The following GTF2IRD1 variants were observed in gnomAD, a reference collection of about 807,000 sequenced individuals.
GTF2IRD1 encodes the protein general transcription factor II-I repeat domain-containing protein 1.
A neutral mutation model predicts 113.2 loss-of-function variants in GTF2IRD1; 26 were observed. The observed-to-expected ratio is 0.23, with a 90% CI of 0.17 to 0.32. The LOEUF (loss-of-function observed/expected upper bound fraction) is 0.32. Ranked by LOEUF, GTF2IRD1 falls within the 10% of genes least tolerant of loss-of-function variation. The probability of loss-of-function intolerance (pLI) is 1.00; values close to 1 mark genes in which losing one functional copy is unlikely to be tolerated. For missense variants in GTF2IRD1, 864 were observed against 1,280.8 expected (o/e 0.67, Z 4.97); for synonymous variants, 484 against 529.1 (o/e 0.91, Z 1.17).
chr7:74,486,334 C>G (rs1795025893), intron 1 of GTF2IRD1, among the ~76,000 whole-genome samples: 1 of 152,166 alleles, frequency 6.6e-6, no homozygotes, highest in Non-Finnish European at 1.5e-5. Flanking sequence ...GGTGGTCCAG[C>G]CGCAGGCAGC....
intron 22 of GTF2IRD1, among the ~76,000 whole-genome samples, chr7:74,567,227 C>T (rs1800376008): frequency 6.6e-6 from 1 of 151,908 alleles, no homozygotes; most frequent in Non-Finnish European, 1.5e-5. Flanking sequence ...ACTTGGGAGC[C>T]TGAGGCAGGA....
chr7:74,529,656 TG>T, intron 8 of GTF2IRD1, 77 bp from the exon 9 acceptor site: 1 of 1,247,560 alleles, frequency 8.0e-7, no homozygotes, highest in Non-Finnish European at 1.1e-6. Flanking sequence ...TGGGAGGTGA[TG>T]GGGACCGCAG....
At chr7:74,471,684 A>T (rs573913544) in intron 1 of GTF2IRD1, among the ~76,000 whole-genome samples, 1 of 71,674 alleles carries the variant, frequency 1.4e-5, no homozygotes, top group Non-Finnish European at 2.9e-5. Context: ...AAAAAAAAAA[A>T]AAAAACAAAA....
At chr7:74,484,584 G>A (rs1029300504) in intron 1 of GTF2IRD1, among the ~76,000 whole-genome samples, 3 of 150,710 alleles carry the variant, frequency 2.0e-5, no homozygotes, top group East Asian at 3.9e-4. Flanking sequence ...TCAGCCTCCC[G>A]AGTAGCTGTG....
In GTF2IRD1 at chr7:74,589,927, C is replaced by T. The variant is rs375764249; in HGVS notation, c.2397C>T (p.Tyr799=). The T allele has an allele frequency of 6.9e-6, 11 of 1,594,584 alleles. No individual in the cohort carries two copies. Among genetic ancestry groups the T allele is most frequent in the East Asian group, 2.2e-5 (1 of 44,732 alleles). ...TGAAGGAACTCTTCAACGAGAAATA[C>T]GGTCAGTGCCTGTGGTCAGGGTCAG... The part of the protein sequence containing the change: ...EQVKELFNEK[Y]GEALGLNRPV... The change falls in exon 23 of 27, where the codon TAC becomes TAT. Residue 799 remains tyrosine (Y), a splice_region_variant and synonymous_variant. Transcript: ENST00000424337.
intron 11 of GTF2IRD1, among the ~76,000 whole-genome samples, chr7:74,536,846 C>T (rs1798326303): frequency 2.0e-5 from 3 of 152,088 alleles, no homozygotes; most frequent in African/African-American, 7.2e-5. Flanking sequence ...CTTGGTGGCT[C>T]ACTCCTGTAA....
At chr7:74,499,712 A>C (rs555812902) in intron 1 of GTF2IRD1, among the ~76,000 whole-genome samples, 1 of 152,314 alleles carries the variant, frequency 6.6e-6, no homozygotes, top group Admixed American at 6.5e-5. Context: ...ATGCATACAC[A>C]CAAAGGAATT....
At chr7:74,478,094 A>G (rs1794527570) in intron 1 of GTF2IRD1, among the ~76,000 whole-genome samples, 2 of 152,164 alleles carry the variant, frequency 1.3e-5, no homozygotes, top group African/African-American at 4.8e-5. Flanking sequence ...GAGCTCAGAT[A>G]AGCCTCCGGG....
At chr7:74,482,978 T>G (rs1794827843) in intron 1 of GTF2IRD1, among the ~76,000 whole-genome samples, 1 of 152,220 alleles carries the variant, frequency 6.6e-6, no homozygotes, top group African/African-American at 2.4e-5. Flanking sequence ...TAAAGTTTAT[T>G]TCCCTAAAGG....
At chr7:74,521,955 G>T (rs1797324705) in intron 7 of GTF2IRD1, among the ~76,000 whole-genome samples, 1 of 152,108 alleles carries the variant, frequency 6.6e-6, no homozygotes, top group Non-Finnish European at 1.5e-5. Context: ...CTCAACTGGG[G>T]CGGGAGGAGA....
At chr7:74,525,850 G>A (rs1163393154) in intron 8 of GTF2IRD1, among the ~76,000 whole-genome samples, 1 of 152,188 alleles carries the variant, frequency 6.6e-6, no homozygotes, top group Non-Finnish European at 1.5e-5. Context: ...TCAATAGGCT[G>A]GGAAGTCAGG....
At chr7:74,548,028 C>T (rs1799061543) in intron 17 of GTF2IRD1, among the ~76,000 whole-genome samples, 1 of 152,130 alleles carries the variant, frequency 6.6e-6, no homozygotes, top group South Asian at 2.1e-4. Flanking sequence ...GTGGCTTCTA[C>T]AGGCTGTTTC....
chr7:74,549,046 T>C (rs1554354146), intron 17 of GTF2IRD1, among the ~76,000 whole-genome samples: 2 of 141,582 alleles, frequency 1.4e-5, no homozygotes, highest in Middle Eastern at 3.6e-3. Flanking sequence ...CAGCTGGCAT[T>C]TGGGAGGCCA....
intron 1 of GTF2IRD1, among the ~76,000 whole-genome samples, chr7:74,500,066 GC>G (rs1795938441): frequency 6.6e-6 from 1 of 152,224 alleles, no homozygotes; most frequent in East Asian, 1.9e-4. Context: ...AGATGAGGGA[GC>G]CCCCATGTGT....
At chr7:74,468,020 C>T (rs770242028) in intron 1 of GTF2IRD1, among the ~76,000 whole-genome samples, 2 of 152,096 alleles carry the variant, frequency 1.3e-5, no homozygotes, top group South Asian at 2.1e-4. Context: ...CTGAGGCCAC[C>T]GGCGGTGACG....
intron 7 of GTF2IRD1, among the ~76,000 whole-genome samples, chr7:74,523,020 T>C (rs10244219): frequency 0.07 from 10,612 of 152,064 alleles, 1,132 homozygotes; most frequent in African/African-American, 0.23. Flanking sequence ...GAGTGAGACC[T>C]CAGATGTAGG....
At chr7:74,534,354 C>T (rs1271049819) in intron 9 of GTF2IRD1, among the ~76,000 whole-genome samples, 2 of 152,212 alleles carry the variant, frequency 1.3e-5, no homozygotes, top group Non-Finnish European at 2.9e-5. Context: ...GTAATCCCAG[C>T]ACTTTGGGAG....
intron 24 of GTF2IRD1, among the ~76,000 whole-genome samples, chr7:74,593,006 C>T (rs587746195): frequency 4.7e-5 from 7 of 150,396 alleles, no homozygotes; most frequent in African/African-American, 9.8e-5. Flanking sequence ...CACAGGTGCC[C>T]GCCACCACAC....
intron 22 of GTF2IRD1, among the ~76,000 whole-genome samples, chr7:74,571,413 A>G (rs1326458851): frequency 6.6e-6 from 1 of 152,118 alleles, no homozygotes; most frequent in Non-Finnish European, 1.5e-5. Context: ...GGCCCTGGTA[A>G]GCTCTTCTGC....
Sources: allele counts gnomAD v4.1 joint callset (sites outside exome capture counted in the v4.1 genomes callset), GRCh38; gene constraint gnomAD v4.1.1; transcripts MANE v1.5; gene names NCBI Gene and HGNC (gene_info 2026-07-23, HGNC 2026-07-21).